The following BABAM2 variants were observed in gnomAD, a reference collection of about 807,000 sequenced individuals.
BABAM2 encodes BRISC and BRCA1-A complex member 2.
In BABAM2, 31 loss-of-function variants were observed where a neutral mutation model predicts 54.7. The observed-to-expected ratio is 0.57, with a 90% CI of 0.43 to 0.77. BABAM2 has a LOEUF of 0.77. Ranked by LOEUF, BABAM2 falls within the 30% of genes least tolerant of loss-of-function variation. The pLI is 0.00. For missense variants in BABAM2, 364 were observed against 455.8 expected, an observed-to-expected ratio of 0.80 and a Z score of 1.83; for synonymous variants, 167 against 162.9, an observed-to-expected ratio of 1.03 and a Z score of -0.19.
At chr2:28,318,669 G>C (rs185192045) in intron 11 of BABAM2, among the ~76,000 whole-genome samples, 2 of 152,196 alleles carry the variant, frequency 1.3e-5, no homozygotes, top group Non-Finnish European at 2.9e-5. Flanking sequence ...TTATTTTGCC[G>C]TGTTTTTACG....
At chr2:27,911,265 G>A (rs902586561) in intron 2 of BABAM2, among the ~76,000 whole-genome samples, 7 of 152,138 alleles carry the variant, frequency 4.6e-5, no homozygotes, top group Non-Finnish European at 1.0e-4. Context: ...TAGTGCCATT[G>A]TGAACATTCT....
intron 7 of BABAM2, among the ~76,000 whole-genome samples, chr2:28,134,009 C>T (rs1670316335): frequency 6.6e-6 from 1 of 152,162 alleles, no homozygotes; most frequent in Non-Finnish European, 1.5e-5. Context: ...ACCGGTCTCC[C>T]ACTGCGCATT....
intron 6 of BABAM2, among the ~76,000 whole-genome samples, chr2:28,054,068 G>A (rs922097781): frequency 5.3e-5 from 8 of 151,924 alleles, no homozygotes; most frequent in Admixed American, 2.6e-4. Flanking sequence ...AAGATAAACC[G>A]TTTTTTTAAA....
At chr2:28,290,131 G>T (rs1391288725) in intron 10 of BABAM2, among the ~76,000 whole-genome samples, 2 of 152,172 alleles carry the variant, frequency 1.3e-5, no homozygotes, top group African/African-American at 2.4e-5. Context: ...TTTGGTCCTT[G>T]AGATTCATCT....
At chr2:28,257,974 C>T (rs551243775) in intron 10 of BABAM2, among the ~76,000 whole-genome samples, 3 of 152,246 alleles carry the variant, frequency 2.0e-5, no homozygotes, top group Admixed American at 1.3e-4. Flanking sequence ...GTCAGGAATT[C>T]GAGACCAGCC....
chr2:28,075,561 T>C (rs960294289), intron 6 of BABAM2, among the ~76,000 whole-genome samples: 1 of 148,362 alleles, frequency 6.7e-6, no homozygotes, highest in Non-Finnish European at 1.5e-5. Flanking sequence ...TCTGTGCATG[T>C]GTGTGTGTGT....
chr2:27,891,593 A>G (rs1229093086), intron 1 of BABAM2, among the ~76,000 whole-genome samples: 1 of 152,062 alleles, frequency 6.6e-6, no homozygotes, highest in African/African-American at 2.4e-5. Flanking sequence ...AAGAGTTACT[A>G]CCGGTGGTGA....
At chr2:28,117,058 G>A (rs1668675569) in intron 6 of BABAM2, among the ~76,000 whole-genome samples, 1 of 152,192 alleles carries the variant, frequency 6.6e-6, no homozygotes, top group Non-Finnish European at 1.5e-5. Flanking sequence ...GTGAGTGCAA[G>A]GTGTTCTAAG....
intron 11 of BABAM2, among the ~76,000 whole-genome samples, chr2:28,310,839 G>A (rs563208484): frequency 3.3e-5 from 5 of 152,006 alleles, no homozygotes; most frequent in Admixed American, 6.6e-5. Flanking sequence ...AGCCAAGATC[G>A]TGCCACTGCA....
intron 6 of BABAM2, among the ~76,000 whole-genome samples, chr2:28,049,602 T>C (rs1164789933): frequency 6.6e-6 from 1 of 152,184 alleles, no homozygotes; most frequent in African/African-American, 2.4e-5. Flanking sequence ...GCGAAATTAA[T>C]TGAGTGTGAA....
chr2:27,897,266 C>G (rs1665410735), intron 2 of BABAM2: 1 of 152,170 alleles, frequency 6.6e-6, no homozygotes, highest in African/African-American at 2.4e-5. Context: ...CATCTACACA[C>G]CTTGCTGTTG....
chr2:28,229,210 C>T (rs540596099), intron 7 of BABAM2, among the ~76,000 whole-genome samples: 3 of 152,244 alleles, frequency 2.0e-5, no homozygotes, highest in African/African-American at 7.2e-5. Flanking sequence ...AAGTGATAAC[C>T]AGAGACCTAA....
intron 1 of BABAM2, among the ~76,000 whole-genome samples, chr2:27,894,009 A>G (rs1011873911): frequency 7.2e-5 from 11 of 151,932 alleles, no homozygotes; most frequent in Non-Finnish European, 1.3e-4. Flanking sequence ...AAAAGAAAAA[A>G]AAAGAAAGAT....
At chr2:28,109,836 G>A (rs1251464543) in intron 6 of BABAM2, among the ~76,000 whole-genome samples, 1 of 152,082 alleles carries the variant, frequency 6.6e-6, no homozygotes, top group East Asian at 1.9e-4. Context: ...TATGCCATAG[G>A]TGCTTATTCT....
chr2:28,239,313 CACTTT>C (rs1368592170), intron 8 of BABAM2, among the ~76,000 whole-genome samples: 1 of 152,206 alleles, frequency 6.6e-6, no homozygotes, highest in Non-Finnish European at 1.5e-5. Flanking sequence ...TTATTTCAAG[CACTTT>C]ATCTTGAGCT....
chr2:28,138,371 T>C (rs1670729331), intron 7 of BABAM2, among the ~76,000 whole-genome samples: 1 of 152,094 alleles, frequency 6.6e-6, no homozygotes, highest in South Asian at 2.1e-4. Flanking sequence ...GTTGACACAG[T>C]ATGTTTAAAG....
rs148588357 is a variant in BABAM2 at position 27,959,545 on chromosome 2, TTC to T, written c.206-28446_206-28445del. ...GCTTCTATTTCAATATTTCTTAATG[TTC>T]TGTTTTTTTTTTTCCTGCTGTGTTG... On this transcript the variant is annotated intron_variant, in intron 3 of 11. Transcript: ENST00000379624. Among the ~76,000 whole-genome samples the T allele has an allele frequency of 7.6e-3, 1,150 of 151,850 alleles. 11 individuals are homozygous for T. Among genetic ancestry groups the T allele is most frequent in the African/African-American group, 0.027 (1,101 of 41,496 alleles).
chr2:28,286,772 C>T (rs1686854257), intron 10 of BABAM2, among the ~76,000 whole-genome samples: 1 of 152,172 alleles, frequency 6.6e-6, no homozygotes, highest in African/African-American at 2.4e-5. Flanking sequence ...TCCTCGTCTC[C>T]TTTCCTGAGA....
chr2:27,944,855 C>G (rs1464922826), intron 3 of BABAM2, among the ~76,000 whole-genome samples: 2 of 152,112 alleles, frequency 1.3e-5, no homozygotes, highest in African/African-American at 2.4e-5. Context: ...TTATGAGGTT[C>G]TAGTTCTTTT....
Sources: allele counts gnomAD v4.1 joint callset (sites outside exome capture counted in the v4.1 genomes callset), GRCh38; gene constraint gnomAD v4.1.1; transcripts MANE v1.5; gene names NCBI Gene and HGNC (gene_info 2026-07-23, HGNC 2026-07-21).